Variants in ZNF804A observed in about 807,000 individuals in gnomAD.
The protein encoded by ZNF804A is zinc finger protein 804A.
In ZNF804A, 2 loss-of-function variants were observed where a neutral mutation model predicts 16.5. The ratio of observed to expected loss-of-function variants is 0.12; its 90% CI spans 0.05 to 0.38. ZNF804A has a LOEUF of 0.38. Ranked by LOEUF, ZNF804A falls within the 10% of genes least tolerant of loss-of-function variation. ZNF804A has a pLI of 0.99. For missense variants in ZNF804A, 1,473 were observed against 1,390.7 expected, an observed-to-expected ratio of 1.06 and a Z score of -0.94; for synonymous variants, 534 against 489.6, an observed-to-expected ratio of 1.09 and a Z score of -1.20.
chr2:184,748,001 T>A (rs757277757), intron 1 of ZNF804A, among the ~76,000 whole-genome samples: 3 of 150,686 alleles, frequency 2.0e-5, no homozygotes, highest in Non-Finnish European at 4.5e-5. Flanking sequence ...TGGCTCCATA[T>A]GTATATGTAA....
At chr2:184,620,626 T>C (rs1042776389) in intron 1 of ZNF804A, among the ~76,000 whole-genome samples, 1 of 151,712 alleles carries the variant, frequency 6.6e-6, no homozygotes, top group Non-Finnish European at 1.5e-5. Context: ...ACACATATTA[T>C]TTTTGCTTGA....
chr2:184,821,204 A>C (rs912035867), intron 1 of ZNF804A, among the ~76,000 whole-genome samples: 1 of 152,140 alleles, frequency 6.6e-6, no homozygotes, highest in Non-Finnish European at 1.5e-5. Context: ...TGGTACTGGT[A>C]CAAAGACAGA....
intron 1 of ZNF804A, among the ~76,000 whole-genome samples, chr2:184,754,878 G>A (rs763806176): frequency 3.2e-4 from 49 of 151,858 alleles, no homozygotes; most frequent in South Asian, 8.3e-4. Flanking sequence ...GAAGCAAGGC[G>A]TGTCTTACTT....
chr2:184,600,954 A>G lies in ZNF804A; in HGVS notation c.111+1884A>G, dbSNP rs116654155. Reference sequence around the variant, plus strand: ...ATGAGATGAATAAACCTAAATATAGACAAACATCAGAAAGAACAAACAAGG... The same window carrying G: ...ATGAGATGAATAAACCTAAATATAGGCAAACATCAGAAAGAACAAACAAGG... On this transcript the variant is annotated intron_variant, in intron 1 of 3. Coordinates refer to ENST00000302277, the MANE Select transcript of ZNF804A (RefSeq NM_194250.2). Among the ~76,000 whole-genome samples the G allele has an allele frequency of 1.8e-3, 275 of 152,302 alleles. 2 individuals carry two copies. The highest frequency in any genetic ancestry group is 5.8e-3 in the African/African-American group (241 of 41,572).
intron 1 of ZNF804A, among the ~76,000 whole-genome samples, chr2:184,761,088 A>C (rs896518495): frequency 6.6e-6 from 1 of 152,110 alleles, no homozygotes; most frequent in Admixed American, 6.6e-5. Context: ...TTGAGTTCTT[A>C]CTGGAATACT....
At chr2:184,697,297 A>T (rs190987382) in intron 1 of ZNF804A, among the ~76,000 whole-genome samples, 262 of 152,144 alleles carry the variant, frequency 1.7e-3, no homozygotes, top group African/African-American at 6.0e-3. Context: ...ACATGAAGAG[A>T]TAAGGAAGAT....
In ZNF804A at chr2:184,936,709, A is replaced by C; in HGVS notation, c.1313A>C (p.Gln438Pro). The change falls in exon 4 of 4, where the codon CAG becomes CCG. Residue 438 changes from glutamine to proline, a missense_variant. By Grantham distance (76) the Gln-to-Pro change is moderately conservative. Transcript: ENST00000302277. ...AACAAACACAGATCTACAGTTCTTC[A>C]GTGGCCATCAGAAATGCTGGTTTAT... ...VLNKHRSTVL[Q>P]WPSEMLVYTT... 1 of 1,613,704 alleles carries C rather than the reference A, an allele frequency of 6.2e-7. No homozygotes were observed. The highest frequency in any genetic ancestry group is 2.2e-5 in the East Asian group (1 of 44,876).
rs978437465 is a variant in ZNF804A at position 184,936,827 on chromosome 2, G to A, written c.1431G>A (p.Lys477=). The part of the protein sequence containing the change: ...TKVNNNLDKN[K]PDLKDLCSQQ... Reference sequence around the variant, plus strand: ...TAAATAATAATCTAGATAAAAATAAGCCAGACTTAAAAGATCTTTGTTCTC... The same window carrying A: ...TAAATAATAATCTAGATAAAAATAAACCAGACTTAAAAGATCTTTGTTCTC... Residue 477 remains lysine (K), a synonymous_variant, in exon 4 of 4, where the codon AAG becomes AAA. Transcript: ENST00000302277. The A allele has an allele frequency of 6.2e-7, 1 of 1,612,786 alleles. No individual in the cohort carries two copies. The highest frequency in any genetic ancestry group is 1.7e-5 in the Admixed American group (1 of 59,694).
At chr2:184,625,456 A>G (rs574288799) in intron 1 of ZNF804A, among the ~76,000 whole-genome samples, 2 of 152,218 alleles carry the variant, frequency 1.3e-5, no homozygotes, top group South Asian at 4.1e-4. Context: ...CTATGTTTTC[A>G]GTGTAATCTA....
chr2:184,743,459 A>G (rs1228377229), intron 1 of ZNF804A, among the ~76,000 whole-genome samples: 1 of 152,012 alleles, frequency 6.6e-6, no homozygotes, highest in Non-Finnish European at 1.5e-5. Context: ...TTTCCAAGTA[A>G]AATGTTTACT....
At chr2:184,630,878 T>C (rs1691595690) in intron 1 of ZNF804A, among the ~76,000 whole-genome samples, 2 of 152,110 alleles carry the variant, frequency 1.3e-5, no homozygotes. Context: ...AAAAAATACA[T>C]TAAAAATATT....
In ZNF804A at chr2:184,613,258, CT is replaced by C. The variant is rs144454032; in HGVS notation, c.111+14189del. Among the ~76,000 whole-genome samples the C allele has an allele frequency of 1.7e-3, 265 of 152,318 alleles. 7 individuals carry two copies. The East Asian group carries it at 0.039, about 22-fold the overall frequency. On this transcript the variant is annotated intron_variant, in intron 1 of 3. Transcript: ENST00000302277. The stretch of plus-strand genomic sequence containing the variant: ...TGTGGAACAAAATCATTCATATTCT[CT>C]CTCTTTCTCGCTCTCTGCCCCACTT...
intron 2 of ZNF804A, 40 bp from the exon 3 acceptor site, chr2:184,933,563 C>G: frequency 6.4e-7 from 1 of 1,556,464 alleles, no homozygotes; most frequent in Non-Finnish European, 8.6e-7. Context: ...CTACTATAGA[C>G]CAAAATACAA....
chr2:184,618,250 T>C (rs1402714185), intron 1 of ZNF804A, among the ~76,000 whole-genome samples: 1 of 152,160 alleles, frequency 6.6e-6, no homozygotes, highest in African/African-American at 2.4e-5. Context: ...TGTTTTTCTA[T>C]TTTTGGTATA....
At chr2:184,840,886 C>A (rs1364684966) in intron 1 of ZNF804A, among the ~76,000 whole-genome samples, 1 of 152,098 alleles carries the variant, frequency 6.6e-6, no homozygotes, top group Admixed American at 6.6e-5. Context: ...CGACTTTTTG[C>A]TTTACCCCTG....
intron 1 of ZNF804A, among the ~76,000 whole-genome samples, chr2:184,610,952 CT>C (rs542461620): frequency 6.6e-6 from 1 of 152,054 alleles, no homozygotes; most frequent in African/African-American, 2.4e-5. Flanking sequence ...TCAACATTTC[CT>C]TTTTTTCTCA....
In ZNF804A at chr2:184,838,040, A is replaced by G. The variant is rs369974204; in HGVS notation, c.112-28329A>G. The stretch of plus-strand genomic sequence containing the variant: ...AAGGCAGGACCTGGTAGCCCAGAAA[A>G]AGAGAGAACATGCAGGAGTGCACGT... On this transcript the variant is annotated intron_variant, in intron 1 of 3. Coordinates refer to ENST00000302277, the MANE Select transcript of ZNF804A (RefSeq NM_194250.2). 5.3e-5 allele frequency among the ~76,000 whole-genome samples: 8 copies of G among 152,220 alleles called. No individual in the cohort carries two copies. The East Asian group carries it at 1.4e-3, about 26-fold the overall frequency.
chr2:184,604,767 A>G (rs1157974578), intron 1 of ZNF804A, among the ~76,000 whole-genome samples: 1 of 152,136 alleles, frequency 6.6e-6, no homozygotes, highest in Non-Finnish European at 1.5e-5. Flanking sequence ...AAGTTTACCT[A>G]TGTGGAGACA....
intron 2 of ZNF804A, among the ~76,000 whole-genome samples, chr2:184,903,935 C>G (rs1685229370): frequency 6.6e-6 from 1 of 151,982 alleles, no homozygotes; most frequent in African/African-American, 2.4e-5. Context: ...AAAATTGCCT[C>G]TGTTTGCAGA....
Sources: allele counts gnomAD v4.1 joint callset (sites outside exome capture counted in the v4.1 genomes callset), GRCh38; gene constraint gnomAD v4.1.1; transcripts MANE v1.5; gene names NCBI Gene and HGNC (gene_info 2026-07-23, HGNC 2026-07-21).